BICDL1: variants seen among roughly 807,000 people sequenced by gnomAD.
BICDL1 encodes the protein BICD family like cargo adaptor 1.
Under a neutral mutation model 76.8 loss-of-function variants are expected in BICDL1, and 20 were observed. The ratio of observed to expected loss-of-function variants is 0.26; its 90% confidence interval spans 0.18 to 0.38. BICDL1 has a LOEUF of 0.38. BICDL1 is among the 10% of genes least tolerant of loss of function. The pLI is 1.00. For missense variants in BICDL1, 700 were observed against 798.6 expected (o/e 0.88, Z 1.49); for synonymous variants, 383 against 337.1 (o/e 1.14, Z -1.49).
intron 2 of BICDL1, among the ~76,000 whole-genome samples, chr12:120,029,247 C>T (rs927892788): frequency 1.3e-5 from 2 of 152,250 alleles, no homozygotes; most frequent in Middle Eastern, 3.4e-3. Context: ...AACCCCAGGG[C>T]GGTATTCTTC....
intron 2 of BICDL1, among the ~76,000 whole-genome samples, chr12:120,052,176 T>C (rs1952874181): frequency 6.6e-6 from 1 of 152,040 alleles, no homozygotes; most frequent in Admixed American, 6.6e-5. Flanking sequence ...ACTCCTGACC[T>C]CGTGATCTGC....
chr12:120,060,096 A>T (rs1278273702), intron 2 of BICDL1, among the ~76,000 whole-genome samples: 6 of 152,186 alleles, frequency 3.9e-5, no homozygotes. Flanking sequence ...TTCCTTGTTA[A>T]TTGGGGGTAA....
chr12:120,075,686 C>T (rs181998870), intron 7 of BICDL1, among the ~76,000 whole-genome samples: 8 of 152,326 alleles, frequency 5.3e-5, no homozygotes, highest in Non-Finnish European at 1.0e-4. Flanking sequence ...CATGTGGCCC[C>T]AGTCAGTATT....
chr12:120,010,122 C>G (rs879444780), intron 2 of BICDL1, among the ~76,000 whole-genome samples: 1 of 152,236 alleles, frequency 6.6e-6, no homozygotes, highest in Non-Finnish European at 1.5e-5. Flanking sequence ...GTGCTGCCAG[C>G]TTTGCCTGAA....
intron 2 of BICDL1, among the ~76,000 whole-genome samples, chr12:120,006,279 A>C (rs1284474754): frequency 6.6e-6 from 1 of 152,196 alleles, no homozygotes; most frequent in East Asian, 1.9e-4. Context: ...ATTATTTGTT[A>C]AGCAAGACGT....
intron 2 of BICDL1, among the ~76,000 whole-genome samples, chr12:120,032,081 G>A (rs1952435200): frequency 1.3e-5 from 2 of 152,198 alleles, no homozygotes; most frequent in Non-Finnish European, 2.9e-5. Context: ...AATAGAGTGA[G>A]ACCCTATTTC....
intron 8 of BICDL1, among the ~76,000 whole-genome samples, chr12:120,088,999 C>G (rs1274441981): frequency 6.6e-6 from 1 of 152,314 alleles, no homozygotes; most frequent in African/African-American, 2.4e-5. Context: ...GTATTCCATC[C>G]CATCATTCAT....
chr12:120,070,474 T>C (rs1385256305), intron 4 of BICDL1, among the ~76,000 whole-genome samples: 3 of 152,208 alleles, frequency 2.0e-5, no homozygotes, highest in African/African-American at 7.2e-5. Flanking sequence ...TCTCTCACGT[T>C]ATTTTGAAGT....
chr12:120,066,159 C>A (rs912184638), intron 4 of BICDL1, among the ~76,000 whole-genome samples: 10 of 152,166 alleles, frequency 6.6e-5, no homozygotes, highest in Admixed American at 5.9e-4. Flanking sequence ...AAAACTGAAT[C>A]GTTTATCCAA....
At chr12:120,080,845 C>T (rs1201975423) in intron 7 of BICDL1, 42 bp from the exon 8 acceptor site, 1 of 1,602,986 alleles carries the variant, frequency 6.2e-7, no homozygotes, top group Non-Finnish European at 8.5e-7. Flanking sequence ...GGGAAAACCA[C>T]CCAGGACAGC....
intron 4 of BICDL1, among the ~76,000 whole-genome samples, chr12:120,068,091 A>G (rs1872785343): frequency 1.3e-5 from 2 of 152,216 alleles, no homozygotes; most frequent in African/African-American, 4.8e-5. Flanking sequence ...CAGGTCCCCT[A>G]AGGCTCTGCA....
In BICDL1 at chr12:120,093,156, A is replaced by G; in HGVS notation, c.1861A>G (p.Ile621Val). The G allele has an allele frequency of 6.3e-7, 1 of 1,597,162 alleles. No homozygotes were observed. ...GKRLFSFFRK[I>V] ...ACGACTCTTCTCATTCTTCAGGAAA[A>G]TTTAAGTTGGGAGGAGTCAGGCCAC... The change falls in exon 10 of 10, where the codon ATT (isoleucine) becomes GTT (valine). Residue 621 changes from isoleucine (I) to valine (V), a missense_variant. Ile to Val is a conservative substitution (Grantham distance 29, BLOSUM62 3). This residue lies in a region of BICDL1 where 455 missense variants were observed against 548.7 expected (regional missense o/e 0.83). Coordinates refer to ENST00000548673, the MANE Select transcript of BICDL1 (RefSeq NM_001367886.1).
rs1235027770 is a variant in BICDL1 at position 120,072,646 on chromosome 12, G to A, written c.1225G>A (p.Asp409Asn). 3.7e-6 allele frequency: 6 copies of A among 1,614,196 alleles called. No individual in the cohort carries two copies. The highest frequency in any genetic ancestry group is 5.1e-6 in the Non-Finnish European group (6 of 1,180,048). The change falls in exon 6 of 10, where the codon GAT (aspartate) becomes AAT (asparagine). Residue 409 changes from aspartate (D) to asparagine (N), a missense_variant. Around this residue, in one of 3 missense-constraint regions of BICDL1, gnomAD observed 455 missense variants for 548.7 expected, o/e 0.83. Coordinates refer to ENST00000548673, the MANE Select transcript of BICDL1 (RefSeq NM_001367886.1). ...GTCTTCAGAAACCTCGTCCGCCAAGGATGTGCCAGCCGGCAGCTTGCGCAC... is the reference window on the plus strand; with the variant it reads ...GTCTTCAGAAACCTCGTCCGCCAAGAATGTGCCAGCCGGCAGCTTGCGCAC... ...DESSETSSAK[D>N]VPAGSLRTAL...
intron 2 of BICDL1, among the ~76,000 whole-genome samples, chr12:120,007,418 AG>A (rs1352670115): frequency 6.6e-6 from 1 of 152,274 alleles, no homozygotes; most frequent in East Asian, 1.9e-4. Context: ...CCTCATTCAC[AG>A]TGACGGAAGC....
At chr12:120,035,020 G>A (rs1952504583) in intron 2 of BICDL1, among the ~76,000 whole-genome samples, 1 of 152,148 alleles carries the variant, frequency 6.6e-6, no homozygotes, top group Non-Finnish European at 1.5e-5. Context: ...GGTTGTTTCT[G>A]TAATTGTTGC....
At chr12:120,056,687 A>T (rs1334597928) in intron 2 of BICDL1, among the ~76,000 whole-genome samples, 4 of 152,122 alleles carry the variant, frequency 2.6e-5, no homozygotes, top group African/African-American at 9.7e-5. Context: ...ACTGCACTCC[A>T]GCCTGGGTGA....
intron 2 of BICDL1, among the ~76,000 whole-genome samples, chr12:120,006,216 G>T (rs1238229401): frequency 6.6e-6 from 1 of 152,140 alleles, no homozygotes. Flanking sequence ...TGGAAAGCTG[G>T]CAGTGTTCTG....
intron 2 of BICDL1, among the ~76,000 whole-genome samples, chr12:120,004,725 C>T (rs771032080): frequency 1.3e-5 from 2 of 152,186 alleles, no homozygotes; most frequent in Admixed American, 1.3e-4. Context: ...AGGATAGGGT[C>T]GGCTTCTTAA....
chr12:120,035,822 A>C (rs766027870), intron 2 of BICDL1, among the ~76,000 whole-genome samples: 14 of 152,226 alleles, frequency 9.2e-5, no homozygotes, highest in South Asian at 6.2e-4. Flanking sequence ...TCTTCCCCCA[A>C]GAGGAACCAC....
Sources: gnomAD v4.1 joint callset for allele counts (sites outside exome capture counted in the v4.1 genomes callset) on GRCh38, gnomAD v4.1.1 for gene constraint, gnomAD v4.1.1 regional missense constraint, MANE v1.5 for transcripts, NCBI Gene and HGNC (gene_info 2026-07-23, HGNC 2026-07-21) for gene names.